The following PTPRD variants were observed in gnomAD, a reference collection of about 807,000 sequenced individuals.
PTPRD encodes the protein receptor-type tyrosine-protein phosphatase delta.
In PTPRD, 34 loss-of-function variants were observed where a neutral mutation model predicts 214.5. That is an observed-to-expected ratio of 0.16 (90% CI 0.12 to 0.21). The LOEUF (loss-of-function observed/expected upper bound fraction) is 0.21, where lower values mean the gene tolerates loss of function less well. PTPRD is among the 10% of genes least tolerant of loss of function. The pLI is 1.00. For synonymous variants in PTPRD, 1,128 were observed against 845.7 expected (o/e 1.33, Z -5.79); for missense variants, 2,545 against 2,398.7 (o/e 1.06, Z -1.27).
intron 7 of PTPRD, among the ~76,000 whole-genome samples, chr9:9,666,129 C>A (rs956718671): frequency 2.6e-5 from 4 of 151,760 alleles, no homozygotes; most frequent in African/African-American, 4.8e-5. Context: ...CTACCTAGGC[C>A]TTAATACAGA....
intron 2 of PTPRD, among the ~76,000 whole-genome samples, chr9:10,560,122 G>A (rs1284486884): frequency 2.6e-5 from 4 of 152,102 alleles, no homozygotes; most frequent in East Asian, 3.9e-4. Flanking sequence ...TGTTTATCGC[G>A]GCACTATTCA....
chr9:9,947,584 T>TAA (rs1370052335), intron 4 of PTPRD, among the ~76,000 whole-genome samples: 1 of 49,198 alleles, frequency 2.0e-5, no homozygotes, highest in Non-Finnish European at 3.2e-5. Flanking sequence ...ATTATATATA[T>TAA]ATTATATATA....
chr9:9,704,217 T>C (rs898261634), intron 7 of PTPRD, among the ~76,000 whole-genome samples: 1 of 152,176 alleles, frequency 6.6e-6, no homozygotes, highest in Admixed American at 6.5e-5. Context: ...TAACGAACTA[T>C]TGTCTGTGAT....
chr9:8,374,229 G>C (rs186323395), intron 39 of PTPRD, among the ~76,000 whole-genome samples: 17 of 150,924 alleles, frequency 1.1e-4, no homozygotes, highest in Admixed American at 9.3e-4. Context: ...TCTATCCTTT[G>C]GCCAAACTCT....
chr9:9,171,052 G>A (rs2130954077), intron 10 of PTPRD, among the ~76,000 whole-genome samples: 1 of 152,226 alleles, frequency 6.6e-6, no homozygotes, highest in East Asian at 1.9e-4. Flanking sequence ...GTACCACCAG[G>A]GCAGCAGTAC....
intron 9 of PTPRD, among the ~76,000 whole-genome samples, chr9:9,184,467 C>T (rs1342626860): frequency 2.6e-5 from 4 of 151,996 alleles, no homozygotes; most frequent in Non-Finnish European, 5.9e-5. Flanking sequence ...CATGATTCTC[C>T]AGCCACAGCT....
chr9:10,484,286 G>C (rs2099118446), intron 2 of PTPRD, among the ~76,000 whole-genome samples: 1 of 152,070 alleles, frequency 6.6e-6, no homozygotes, highest in Non-Finnish European at 1.5e-5. Flanking sequence ...GGACATTGGA[G>C]ACTCAGAAAA....
chr9:10,078,711 T>G (rs1234121521), intron 3 of PTPRD, among the ~76,000 whole-genome samples: 2 of 152,032 alleles, frequency 1.3e-5, no homozygotes, highest in African/African-American at 2.4e-5. Flanking sequence ...TCCACAGTTC[T>G]CTTCTGATTG....
intron 39 of PTPRD, among the ~76,000 whole-genome samples, chr9:8,359,104 T>G (rs2077725044): frequency 1.9e-5 from 1 of 51,340 alleles, no homozygotes; most frequent in Non-Finnish European, 2.9e-5. Flanking sequence ...CGAGACTCCG[T>G]CTCAAAAAAA....
chr9:8,330,534 T>C (rs552062493), intron 44 of PTPRD, among the ~76,000 whole-genome samples: 5 of 150,284 alleles, frequency 3.3e-5, no homozygotes, highest in East Asian at 2.0e-4. Flanking sequence ...AGCTCTTTGG[T>C]TGGTTTGCAA....
chr9:8,860,269 C>T (rs550086546), intron 11 of PTPRD: 1 of 152,308 alleles, frequency 6.6e-6, no homozygotes, highest in East Asian at 1.9e-4. Context: ...TATCTGGGAA[C>T]ATAGTTGAGG....
intron 11 of PTPRD, among the ~76,000 whole-genome samples, chr9:8,816,726 T>C (rs1266648825): frequency 1.3e-5 from 2 of 152,340 alleles, no homozygotes; most frequent in South Asian, 4.1e-4. Flanking sequence ...ACTCTTTCCA[T>C]ATCAACATGT....
chr9:9,723,152 G>A (rs190738305), intron 7 of PTPRD, among the ~76,000 whole-genome samples: 1 of 151,940 alleles, frequency 6.6e-6, no homozygotes, highest in African/African-American at 2.4e-5. Context: ...TTATAGTTTT[G>A]CCTTTTATAT....
chr9:9,435,128 A>G (rs1417562855), intron 8 of PTPRD, among the ~76,000 whole-genome samples: 1 of 151,910 alleles, frequency 6.6e-6, no homozygotes, highest in Non-Finnish European at 1.5e-5. Flanking sequence ...TTTCTTTATT[A>G]TTTCTATTAT....
At chr9:9,678,557 A>T (rs928224664) in intron 7 of PTPRD, among the ~76,000 whole-genome samples, 1 of 151,920 alleles carries the variant, frequency 6.6e-6, no homozygotes, top group African/African-American at 2.4e-5. Flanking sequence ...TACCTCAAAG[A>T]TATTTAATAA....
chr9:9,489,048 A>T (rs201655275), intron 8 of PTPRD, among the ~76,000 whole-genome samples: 1 of 152,214 alleles, frequency 6.6e-6, no homozygotes, highest in East Asian at 1.9e-4. Flanking sequence ...TCCAGGAGAC[A>T]TAAAGGGCCA....
intron 11 of PTPRD, among the ~76,000 whole-genome samples, chr9:8,815,614 G>C (rs1166112083): frequency 1.3e-5 from 2 of 152,142 alleles, no homozygotes; most frequent in Admixed American, 6.5e-5. Flanking sequence ...AAGTTAGAAA[G>C]TGTTGCAATC....
At chr9:9,450,950 T>TACACACACACACACACACACACAC (rs145703989) in intron 8 of PTPRD, among the ~76,000 whole-genome samples, 16 of 136,674 alleles carry the variant, frequency 1.2e-4, no homozygotes, top group African/African-American at 3.4e-4. Context: ...CATACATACA[T>TACACACACACACACACACACACAC]ACACACACAC....
chr9:9,280,370 C>T (rs534478179), intron 9 of PTPRD, among the ~76,000 whole-genome samples: 1 of 151,188 alleles, frequency 6.6e-6, no homozygotes, highest in Non-Finnish European at 1.5e-5. Flanking sequence ...AATGATAATT[C>T]AGAAAATCCA....
Sources: gnomAD v4.1 joint callset for allele counts (sites outside exome capture counted in the v4.1 genomes callset) on GRCh38, gnomAD v4.1.1 for gene constraint, MANE v1.5 for transcripts, NCBI Gene and HGNC (gene_info 2026-07-23, HGNC 2026-07-21) for gene names.